The following DPP10 variants were observed in gnomAD, a reference collection of about 807,000 sequenced individuals.
DPP10 encodes inactive dipeptidyl peptidase 10.
Under a neutral mutation model 120.9 loss-of-function variants are expected in DPP10, and 33 were observed. The observed-to-expected ratio is 0.27, with a 90% CI of 0.21 to 0.37. The LOEUF is 0.37. Ranked by LOEUF, DPP10 falls within the 10% of genes least tolerant of loss-of-function variation. The pLI is 1.00. For missense variants in DPP10, 816 were observed against 942.8 expected, an observed-to-expected ratio of 0.87 and a Z score of 1.76; for synonymous variants, 337 against 326.1, an observed-to-expected ratio of 1.03 and a Z score of -0.36.
intron 1 of DPP10, among the ~76,000 whole-genome samples, chr2:114,647,135 C>T (rs755676874): frequency 6.6e-6 from 1 of 152,182 alleles, no homozygotes; most frequent in Non-Finnish European, 1.5e-5. Context: ...AAGCTGAACA[C>T]GTTTCCAAAT....
At chr2:115,374,314 T>C (rs962716755) in intron 3 of DPP10, among the ~76,000 whole-genome samples, 1 of 152,172 alleles carries the variant, frequency 6.6e-6, no homozygotes, top group Non-Finnish European at 1.5e-5. Context: ...TGGATCTCCT[T>C]TGATTCCATG....
At chr2:114,583,448 G>C (rs1213439066) in intron 1 of DPP10, among the ~76,000 whole-genome samples, 1 of 152,128 alleles carries the variant, frequency 6.6e-6, no homozygotes, top group African/African-American at 2.4e-5. Flanking sequence ...ATTAAACAAA[G>C]GATCATAGAT....
intron 1 of DPP10, among the ~76,000 whole-genome samples, chr2:114,587,287 G>T (rs564375976): frequency 8.8e-5 from 11 of 125,612 alleles, no homozygotes; most frequent in Non-Finnish European, 1.6e-4. Flanking sequence ...GGCAATAGGA[G>T]TGAAACTCCA....
Position 114,508,748 on chromosome 2 carries a change from C to T in DPP10, c.60+65910C>T, listed in dbSNP as rs558009836. The stretch of plus-strand genomic sequence containing the variant: ...CTGTTTCCTCCTCTCAGAGAGGCTG[C>T]TTTCACAGCCCCCACTGTCCCCAAA... On this transcript the variant is annotated intron_variant, in intron 1 of 25. Coordinates refer to ENST00000410059, the MANE Select transcript of DPP10 (RefSeq NM_020868.6). Among the ~76,000 whole-genome samples, 156 of 152,162 alleles carry T rather than the reference C, an allele frequency of 1.0e-3. 1 individual carries two copies. The highest frequency in any genetic ancestry group is 3.6e-3 in the African/African-American group (151 of 41,522).
At chr2:114,725,421 T>C (rs1701981997) in intron 1 of DPP10, among the ~76,000 whole-genome samples, 1 of 152,234 alleles carries the variant, frequency 6.6e-6, no homozygotes, top group Non-Finnish European at 1.5e-5. Flanking sequence ...ACTATTTCCT[T>C]ACATGACCTT....
intron 1 of DPP10, among the ~76,000 whole-genome samples, chr2:115,024,135 C>T (rs1225449923): frequency 6.6e-6 from 1 of 151,996 alleles, no homozygotes; most frequent in Non-Finnish European, 1.5e-5. Flanking sequence ...CAAACACCAC[C>T]TGTTCCCCAA....
intron 1 of DPP10, among the ~76,000 whole-genome samples, chr2:114,443,446 G>C (rs987984137): frequency 3.9e-5 from 6 of 152,018 alleles, no homozygotes; most frequent in African/African-American, 1.2e-4. Context: ...AAAATTTGAG[G>C]CTTTTCTGAC....
intron 1 of DPP10, among the ~76,000 whole-genome samples, chr2:115,172,934 T>TA (rs2053456739): frequency 6.6e-6 from 1 of 152,174 alleles, no homozygotes; most frequent in Non-Finnish European, 1.5e-5. Context: ...GTATGCAGAT[T>TA]ATATAGAGTC....
At chr2:115,302,372 C>T (rs969644219) in intron 1 of DPP10, among the ~76,000 whole-genome samples, 7 of 151,998 alleles carry the variant, frequency 4.6e-5, no homozygotes, top group Non-Finnish European at 7.4e-5. Context: ...CATATAATTG[C>T]GAGTTCTTTT....
chr2:114,489,729 G>C (rs927756933), intron 1 of DPP10, among the ~76,000 whole-genome samples: 6 of 152,144 alleles, frequency 3.9e-5, no homozygotes, highest in Non-Finnish European at 7.3e-5. Context: ...GGAGGTAAAA[G>C]TACCTCAGAT....
At chr2:115,604,094 T>TCG (rs2083540745) in intron 5 of DPP10, among the ~76,000 whole-genome samples, 1 of 148,462 alleles carries the variant, frequency 6.7e-6, no homozygotes, top group Non-Finnish European at 1.5e-5. Flanking sequence ...TTTTTTTTTT[T>TCG]TTTTTTTTTT....
At chr2:114,532,771 A>T (rs949466231) in intron 1 of DPP10, among the ~76,000 whole-genome samples, 4 of 152,176 alleles carry the variant, frequency 2.6e-5, no homozygotes, top group Non-Finnish European at 4.4e-5. Flanking sequence ...GAGAAATCTC[A>T]TGGTCCCAAC....
intron 1 of DPP10, among the ~76,000 whole-genome samples, chr2:114,696,202 A>G (rs1700056951): frequency 6.6e-6 from 1 of 152,034 alleles, no homozygotes; most frequent in Non-Finnish European, 1.5e-5. Flanking sequence ...TTTTCCATCA[A>G]TGTCTTGCTC....
chr2:115,459,950 C>CACACA, intron 3 of DPP10, among the ~76,000 whole-genome samples: 2 of 34,262 alleles, frequency 5.8e-5, no homozygotes, highest in African/African-American at 1.0e-4. Context: ...CACACACACA[C>CACACA]CTTTGTTTGC....
Position 115,408,434 on chromosome 2 carries a change from C to T in DPP10, c.271+64522C>T, listed in dbSNP as rs553699020. On this transcript the variant is annotated intron_variant, in intron 3 of 25. Transcript: ENST00000410059. Reference sequence around the variant, plus strand: ...TTGAAGGTGGGCTTTTGCTGGGGGACCTTTGGCTGCCTCCTGTCTCTGTCA... The same window carrying T: ...TTGAAGGTGGGCTTTTGCTGGGGGATCTTTGGCTGCCTCCTGTCTCTGTCA... 8.3e-4 allele frequency among the ~76,000 whole-genome samples: 126 copies of T among 152,126 alleles called. 1 individual carries two copies. The highest frequency in any genetic ancestry group is 2.9e-3 in the African/African-American group (122 of 41,478).
intron 3 of DPP10, among the ~76,000 whole-genome samples, chr2:115,479,763 A>G (rs1050983580): frequency 2.0e-5 from 3 of 152,046 alleles, no homozygotes; most frequent in African/African-American, 4.8e-5. Context: ...TCATCACTCC[A>G]TATTTGCTGA....
intron 1 of DPP10, among the ~76,000 whole-genome samples, chr2:115,190,114 C>T (rs2054762981): frequency 6.6e-6 from 1 of 152,202 alleles, no homozygotes; most frequent in African/African-American, 2.4e-5. Flanking sequence ...AATTGCTCAG[C>T]TATTCCTCTA....
At chr2:114,912,905 A>T (rs751508648) in intron 1 of DPP10, among the ~76,000 whole-genome samples, 3 of 152,204 alleles carry the variant, frequency 2.0e-5, no homozygotes, top group Non-Finnish European at 4.4e-5. Context: ...GAACGGCTGC[A>T]GTGGATCATA....
intron 1 of DPP10, among the ~76,000 whole-genome samples, chr2:114,675,379 T>G (rs1698602841): frequency 6.6e-6 from 1 of 152,190 alleles, no homozygotes; most frequent in African/African-American, 2.4e-5. Flanking sequence ...GAGTGAGGAT[T>G]GATTTGATAA....
Sources: allele counts gnomAD v4.1 joint callset (sites outside exome capture counted in the v4.1 genomes callset), GRCh38; gene constraint gnomAD v4.1.1; transcripts MANE v1.5; gene names NCBI Gene and HGNC (gene_info 2026-07-23, HGNC 2026-07-21).